Variants in MAP4 observed in about 807,000 individuals in gnomAD.
MAP4 encodes microtubule associated protein 4.
In MAP4, 76 loss-of-function variants were observed where a neutral mutation model predicts 170.2. That is an observed-to-expected ratio of 0.45 (90% confidence interval 0.37 to 0.54). The LOEUF is 0.54. Among genes scored for constraint, MAP4 ranks in the 20% least tolerant of loss-of-function variants. The pLI, the probability that MAP4 is intolerant of heterozygous loss-of-function variation, is 0.00. For missense variants in MAP4, 2,506 were observed against 2,748.0 expected, an observed-to-expected ratio of 0.91 and a Z score of 1.97; for synonymous variants, 909 against 994.5, an observed-to-expected ratio of 0.91 and a Z score of 1.62.
intron 1 of MAP4, among the ~76,000 whole-genome samples, chr3:48,051,850 A>C (rs2100128070): frequency 6.6e-6 from 1 of 152,214 alleles, no homozygotes; most frequent in Non-Finnish European, 1.5e-5. Flanking sequence ...AATTTTACAT[A>C]AATTATAAAT....
chr3:47,876,132 CTTTCT>C lies in MAP4; in HGVS notation c.5542-237_5542-233del, dbSNP rs869112463. Among the ~76,000 whole-genome samples, 130 of 140,594 alleles carry C rather than the reference CTTTCT, an allele frequency of 9.2e-4. 1 individual carries two copies. The highest frequency in any genetic ancestry group is 1.5e-3 in the Non-Finnish European group (98 of 64,560). The allele number at this position is 140,594 out of a possible 152,430, so 92.2% of individuals were successfully genotyped here. A position where few individuals can be genotyped will look rare whatever the true frequency, so the allele number is the denominator to read the frequency against. Reference sequence around the variant, plus strand: ...TGGGGAATAGTTTCTTTTTCTTTTTCTTTCTTTTTTTTTTTTTTTGAGATGGAGTC... The same window carrying C: ...TGGGGAATAGTTTCTTTTTCTTTTTCTTTTTTTTTTTTTTGAGATGGAGTC... On this transcript the variant is annotated intron_variant, in intron 11 of 20. Coordinates refer to ENST00000683076, the MANE Select transcript of MAP4 (RefSeq NM_001385682.1).
intron 17 of MAP4, among the ~76,000 whole-genome samples, chr3:47,866,114 A>G (rs1310479317): frequency 6.6e-6 from 1 of 152,046 alleles, no homozygotes; most frequent in Non-Finnish European, 1.5e-5. Context: ...CAAGGCGGGC[A>G]GATCACAAGG....
chr3:47,940,013 C>G (rs929899732), intron 3 of MAP4, among the ~76,000 whole-genome samples: 4 of 151,910 alleles, frequency 2.6e-5, no homozygotes, highest in Non-Finnish European at 4.4e-5. Context: ...AATTTTTGTA[C>G]TTTTAGTGGA....
chr3:47,967,435 T>C (rs1047569431), intron 3 of MAP4, among the ~76,000 whole-genome samples: 1 of 152,208 alleles, frequency 6.6e-6, no homozygotes, highest in Non-Finnish European at 1.5e-5. Flanking sequence ...GGCAGATCAC[T>C]GAGGTCAGGA....
intron 8 of MAP4, 25 bp from the exon 9 acceptor site, chr3:47,912,446 T>C: frequency 6.9e-7 from 1 of 1,446,804 alleles, no homozygotes; most frequent in Non-Finnish European, 9.1e-7. Context: ...AAAAAACTCC[T>C]CGTTATTGTT....
At chr3:47,913,610 T>C (rs2100037063) in intron 8 of MAP4, among the ~76,000 whole-genome samples, 1 of 152,188 alleles carries the variant, frequency 6.6e-6, no homozygotes, top group Admixed American at 6.6e-5. Context: ...GGGACTTAAA[T>C]ATCTATATGC....
chr3:47,931,656 ATTT>A (rs35456237), intron 3 of MAP4, among the ~76,000 whole-genome samples: 1 of 131,386 alleles, frequency 7.6e-6, no homozygotes, highest in Admixed American at 8.2e-5. Context: ...TTTAAACAAA[ATTT>A]TTTTTTTTTT....
upstream of MAP4, among the ~76,000 whole-genome samples, chr3:48,019,743 C>G (rs1417129092): frequency 3.3e-5 from 5 of 152,202 alleles, no homozygotes; most frequent in South Asian, 1.0e-3. Context: ...TTAAAATTAG[C>G]CTGCACACCT....
intron 10 of MAP4, chr3:47,891,500 C>A: frequency 6.6e-7 from 1 of 1,514,768 alleles, no homozygotes; most frequent in Non-Finnish European, 8.8e-7. Context: ...AGGCAGCAGG[C>A]CAGAAGAAGG....
In MAP4 at chr3:47,851,651, T is replaced by G. The variant is rs1322089225; in HGVS notation, c.*1283A>C. 6.6e-6 allele frequency: 1 copy of G among 152,228 alleles called. No individual in the cohort carries two copies. Among genetic ancestry groups the G allele is most frequent in the Non-Finnish European group, 1.5e-5 (1 of 68,046 alleles). The allele number at this position is 152,228 out of a possible 1,614,324, so 9.4% of individuals were successfully genotyped here. A position where few individuals can be genotyped will look rare whatever the true frequency, so the allele number is the denominator to read the frequency against. On this transcript the variant is annotated 3_prime_UTR_variant, in exon 21 of 21. Coordinates refer to ENST00000683076, the MANE Select transcript of MAP4 (RefSeq NM_001385682.1). ...TTTGTGTCAATACAGTTCCCGGGAT[T>G]TCTCCTCACTGCAGCCATCCCAAGG...
At chr3:47,915,046 C>T in intron 7 of MAP4, 107 bp from the exon 8 acceptor site, 1 of 1,335,408 alleles carries the variant, frequency 7.5e-7, no homozygotes, top group South Asian at 1.3e-5. Context: ...AGTTCTCCTA[C>T]AAGGGGCAGC....
intron 1 of MAP4, among the ~76,000 whole-genome samples, chr3:48,049,608 G>A (rs2100126486): frequency 6.6e-6 from 1 of 151,876 alleles, no homozygotes; most frequent in African/African-American, 2.4e-5. Flanking sequence ...AACAGAGTGA[G>A]ACCAGGTCTA....
At chr3:48,061,327 CGATTGCAG>C (rs2100135133) in intron 1 of MAP4, among the ~76,000 whole-genome samples, 1 of 150,028 alleles carries the variant, frequency 6.7e-6, no homozygotes, top group South Asian at 2.2e-4. Context: ...CGAGTGCCTG[CGATTGCAG>C]GCACGCGCCG....
chr3:48,069,328 G>A (rs150390014), intron 1 of MAP4, among the ~76,000 whole-genome samples: 138 of 152,196 alleles, frequency 9.1e-4, no homozygotes, highest in African/African-American at 3.2e-3. Context: ...ACCCATCCCA[G>A]TCACGAAGCC....
chr3:47,890,284 C>G (rs966262421), intron 10 of MAP4, among the ~76,000 whole-genome samples: 1 of 152,008 alleles, frequency 6.6e-6, no homozygotes, highest in African/African-American at 2.4e-5. Context: ...TCACAAAGAC[C>G]GCAAAATTTA....
intron 12 of MAP4, among the ~76,000 whole-genome samples, chr3:47,875,355 C>T (rs1385528813): frequency 6.6e-6 from 1 of 152,012 alleles, no homozygotes; most frequent in Non-Finnish European, 1.5e-5. Flanking sequence ...GGAGGAAGAA[C>T]CTAAGTAGAT....
intron 9 of MAP4, among the ~76,000 whole-genome samples, chr3:47,905,855 G>A (rs191525241): frequency 9.1e-4 from 139 of 152,096 alleles, no homozygotes; most frequent in African/African-American, 3.2e-3. Flanking sequence ...TTAGCTGAGC[G>A]TGGTGGTAGG....
chr3:48,063,986 C>T (rs2100137187), intron 1 of MAP4, among the ~76,000 whole-genome samples: 1 of 152,160 alleles, frequency 6.6e-6, no homozygotes, highest in African/African-American at 2.4e-5. Flanking sequence ...CTAACCAACT[C>T]CATCCTGCTT....
rs2041047174 is a variant in MAP4, at chr3:47,851,034, G to A, written c.*1900C>T. The A allele has an allele frequency of 6.6e-6, 1 of 152,228 alleles. No individual in the cohort carries two copies. The highest frequency in any genetic ancestry group is 2.4e-5 in the African/African-American group (1 of 41,440). 9.4% of individuals were successfully genotyped at this position (152,228 alleles called of 1,614,324 possible). On this transcript the variant is annotated 3_prime_UTR_variant, in exon 21 of 21. Transcript: ENST00000683076. ...TCATGACCCCAGGACAGACGCAGTG[G>A]AGGCAGCAGGTACTCTGGGCCTGTG...
Sources: allele counts gnomAD v4.1 joint callset (sites outside exome capture counted in the v4.1 genomes callset), GRCh38; gene constraint gnomAD v4.1.1; transcripts MANE v1.5; gene names NCBI Gene and HGNC (gene_info 2026-07-23, HGNC 2026-07-21).